ADAMTS19: variants seen among roughly 807,000 people sequenced by gnomAD.
The protein encoded by ADAMTS19 is A disintegrin and metalloproteinase with thrombospondin motifs 19.
ADAMTS19 carries 93 observed loss-of-function variants against 153.3 expected under a neutral mutation model. The ratio of observed to expected loss-of-function variants is 0.61; its 90% CI spans 0.51 to 0.72. The LOEUF is 0.72. Among genes scored for constraint, ADAMTS19 ranks in the 30% least tolerant of loss-of-function variants. ADAMTS19 has a pLI of 0.00. For missense variants in ADAMTS19, 1,482 were observed against 1,552.1 expected (o/e 0.95, Z 0.76); for synonymous variants, 600 against 556.6 (o/e 1.08, Z -1.10).
chr5:129,704,511 G>A, intron 21 of ADAMTS19, 120 bp downstream of exon 21: 1 of 1,143,570 alleles, frequency 8.7e-7, no homozygotes, highest in South Asian at 1.8e-5. Flanking sequence ...AACATCATGG[G>A]ATATGGGGCA....
chr5:129,537,723 C>T (rs887582423), intron 6 of ADAMTS19, among the ~76,000 whole-genome samples: 3 of 150,592 alleles, frequency 2.0e-5, no homozygotes, highest in Non-Finnish European at 4.4e-5. Context: ...GGGAATTGAA[C>T]AATGAGAACA....
At chr5:129,555,701 C>G (rs961264628) in intron 7 of ADAMTS19, among the ~76,000 whole-genome samples, 1 of 152,150 alleles carries the variant, frequency 6.6e-6, no homozygotes, top group African/African-American at 2.4e-5. Context: ...GGAGAGGTTA[C>G]AGATTTTCCC....
chr5:129,473,898 T>A (rs1319286162), intron 2 of ADAMTS19, among the ~76,000 whole-genome samples: 1 of 152,152 alleles, frequency 6.6e-6, no homozygotes, highest in African/African-American at 2.4e-5. Flanking sequence ...AATGCCCTTT[T>A]TTCCAACATC....
chr5:129,697,487 T>G (rs1195321118), intron 19 of ADAMTS19, among the ~76,000 whole-genome samples: 1 of 152,212 alleles, frequency 6.6e-6, no homozygotes, highest in Admixed American at 6.5e-5. Context: ...GAAAATGATA[T>G]ATAAAAGGAT....
At chr5:129,708,670 G>A (rs577445629) in intron 21 of ADAMTS19, among the ~76,000 whole-genome samples, 2 of 145,548 alleles carry the variant, frequency 1.4e-5, no homozygotes, top group South Asian at 2.2e-4. Context: ...AAGTTTTATA[G>A]AGTTAACCCT....
chr5:129,620,641 A>G lies in ADAMTS19; in HGVS notation c.1502A>G (p.Asp501Gly), dbSNP rs752047777. ...GHNMGINHDN[D>G]HPSCADGLHI... is the part of the protein sequence containing the mutation. The stretch of plus-strand genomic sequence containing the variant: ...AGCATGGGCATTAACCATGACAATG[A>G]CCACCCATCGTGTGCTGATGGTCTT... The change falls in exon 9 of 23, where the codon GAC (aspartate) becomes GGC (glycine). Residue 501 changes from aspartate (D) to glycine (G), a missense_variant. Coordinates refer to ENST00000274487, the MANE Select transcript of ADAMTS19 (RefSeq NM_133638.6). 1 of 1,606,596 alleles carries G rather than the reference A, an allele frequency of 6.2e-7. No homozygotes were observed. Among genetic ancestry groups the G allele is most frequent in the South Asian group, 1.1e-5 (1 of 89,604 alleles).
chr5:129,648,487 C>G (rs1392901345), intron 12 of ADAMTS19, among the ~76,000 whole-genome samples: 2 of 152,136 alleles, frequency 1.3e-5, no homozygotes, highest in Non-Finnish European at 2.9e-5. Flanking sequence ...AACCAAATTT[C>G]TTAATGGGCA....
chr5:129,643,916 C>T (rs1486921453), intron 11 of ADAMTS19, among the ~76,000 whole-genome samples: 1 of 152,112 alleles, frequency 6.6e-6, no homozygotes, highest in Non-Finnish European at 1.5e-5. Flanking sequence ...AACACAAAAG[C>T]AGTAATATTA....
chr5:129,632,289 T>G (rs1752333797), intron 10 of ADAMTS19, among the ~76,000 whole-genome samples: 1 of 152,074 alleles, frequency 6.6e-6, no homozygotes, highest in South Asian at 2.1e-4. Flanking sequence ...TATTGGAATA[T>G]GCAACCACAT....
At chr5:129,611,016 T>C (rs1341135718) in intron 8 of ADAMTS19, among the ~76,000 whole-genome samples, 1 of 152,208 alleles carries the variant, frequency 6.6e-6, no homozygotes, top group Non-Finnish European at 1.5e-5. Flanking sequence ...ATTGTGGTTT[T>C]GATTTGCATT....
rs536301179 is a variant in ADAMTS19, at chr5:129,684,377, T to A, written c.2818+104T>A. Reference sequence around the variant, plus strand: ...AAATCCCTAATCTGCAATTCCAAAATCCATAAAGAGTTAGAAATGGAAAGT... The same window carrying A: ...AAATCCCTAATCTGCAATTCCAAAAACCATAAAGAGTTAGAAATGGAAAGT... On this transcript the variant is annotated intron_variant, in intron 18 of 22. Coordinates refer to ENST00000274487, the MANE Select transcript of ADAMTS19 (RefSeq NM_133638.6). 6.4e-6 allele frequency: 9 copies of A among 1,413,514 alleles called. No individual in the cohort carries two copies. In the South Asian group the frequency reaches 8.7e-5, roughly 14 times the overall value. The allele number at this position is 1,413,514 out of a possible 1,614,324, so 87.6% of individuals were successfully genotyped here. A position where few individuals can be genotyped will look rare whatever the true frequency, so the allele number is the denominator to read the frequency against.
chr5:129,551,611 TCTTA>T (rs1423509053), intron 6 of ADAMTS19, among the ~76,000 whole-genome samples: 1 of 151,734 alleles, frequency 6.6e-6, no homozygotes, highest in Non-Finnish European at 1.5e-5. Context: ...CAAGATGGGA[TCTTA>T]CTTTTGAAAT....
Position 129,679,842 on chromosome 5 carries a change from C to G in ADAMTS19, c.2585C>G (p.Thr862Ser). ...TCTGGAGCCTTCAATTTGGCTGGAA[C>G]TACCGTTCATTATGTAAGACGAGGC... ...EHSGAFNLAG[T>S]TVHYVRRGLW... The change falls in exon 17 of 23, where the codon ACT (threonine) becomes AGT (serine). Residue 862 changes from threonine (T) to serine (S), a missense_variant. Coordinates refer to ENST00000274487, the MANE Select transcript of ADAMTS19 (RefSeq NM_133638.6). 1 of 1,614,024 alleles carries G rather than the reference C, an allele frequency of 6.2e-7. No individual in the cohort carries two copies.
intron 10 of ADAMTS19, among the ~76,000 whole-genome samples, chr5:129,638,177 G>A (rs1335134815): frequency 1.3e-5 from 2 of 152,190 alleles, no homozygotes; most frequent in East Asian, 1.9e-4. Context: ...GTTTCTCTGT[G>A]TTGAGAATCT....
intron 13 of ADAMTS19, 53 bp downstream of exon 13, chr5:129,649,023 G>A (rs146375937): frequency 1.7e-5 from 25 of 1,483,562 alleles, no homozygotes; most frequent in African/African-American, 4.2e-5. Flanking sequence ...CTAGGTTTGC[G>A]AAGTGTTTTT....
At chr5:129,587,958 C>G (rs1029031420) in intron 7 of ADAMTS19, among the ~76,000 whole-genome samples, 1 of 152,098 alleles carries the variant, frequency 6.6e-6, no homozygotes, top group South Asian at 2.1e-4. Context: ...TTGAGACTCT[C>G]TCCTATTTTT....
At chr5:129,616,920 C>T (rs1236653878) in intron 8 of ADAMTS19, among the ~76,000 whole-genome samples, 1 of 151,954 alleles carries the variant, frequency 6.6e-6, no homozygotes, top group African/African-American at 2.4e-5. Context: ...AGAAAAGCAC[C>T]ATTGTGTGGT....
In ADAMTS19 at chr5:129,608,116, G is replaced by GTATATATATATATA. The variant is rs1554098182; in HGVS notation, c.1478+11463_1478+11476dup. On this transcript the variant is annotated intron_variant, in intron 8 of 22. Coordinates refer to ENST00000274487, the MANE Select transcript of ADAMTS19 (RefSeq NM_133638.6). ...TGTGTGTGTGTGTGTGTGTGTGTGT[G>GTATATATATATATA]TATATATATATATATATATATATAA... Among the ~76,000 whole-genome samples the GTATATATATATATA allele has an allele frequency of 6.1e-3, 291 of 47,910 alleles. 8 individuals carry two copies. The highest frequency in any genetic ancestry group is 0.021 in the South Asian group (22 of 1,028). The allele number at this position is 47,910 out of a possible 152,430, so 31.4% of individuals were successfully genotyped here. A position where few individuals can be genotyped will look rare whatever the true frequency, so the allele number is the denominator to read the frequency against.
intron 15 of ADAMTS19, among the ~76,000 whole-genome samples, chr5:129,660,520 A>G (rs1166313670): frequency 6.6e-6 from 1 of 152,068 alleles, no homozygotes; most frequent in African/African-American, 2.4e-5. Context: ...CACATTTAGC[A>G]CTGATGCCTT....
Sources: gnomAD v4.1 joint callset for allele counts (sites outside exome capture counted in the v4.1 genomes callset) on GRCh38, gnomAD v4.1.1 for gene constraint, MANE v1.5 for transcripts, NCBI Gene and HGNC (gene_info 2026-07-23, HGNC 2026-07-21) for gene names.